The following CRAT variants were observed in gnomAD, a reference collection of about 807,000 sequenced individuals.
CRAT encodes the protein carnitine acetylase.
Under a neutral mutation model 73.7 loss-of-function variants are expected in CRAT, and 66 were observed. The ratio of observed to expected loss-of-function variants is 0.90; its 90% CI spans 0.73 to 1.10. The LOEUF (loss-of-function observed/expected upper bound fraction) is 1.10. CRAT is among the 50% of genes least tolerant of loss of function. The pLI, the probability that CRAT is intolerant of heterozygous loss-of-function variation, is 0.00. For synonymous variants in CRAT, 321 were observed against 343.2 expected (o/e 0.94, Z 0.71); for missense variants, 745 against 846.9 (o/e 0.88, Z 1.49).
intron 8 of CRAT, among the ~76,000 whole-genome samples, chr9:129,098,854 C>T (rs1847471443): frequency 6.6e-6 from 1 of 150,972 alleles, no homozygotes. Flanking sequence ...TGCTCTGTTG[C>T]CCAGGCTGGA....
intron 4 of CRAT, 54 bp from the exon 5 acceptor site, chr9:129,102,619 G>A: frequency 2.5e-6 from 4 of 1,598,344 alleles, no homozygotes; most frequent in Non-Finnish European, 3.4e-6. Flanking sequence ...TGGGGAGGAG[G>A]GCAGGGTAGA....
chr9:129,110,534 C>G lies in CRAT; in HGVS notation c.-25G>C, dbSNP rs1043606726. 1 of 1,577,470 alleles carries G rather than the reference C, an allele frequency of 6.3e-7. No individual in the cohort carries two copies. Among genetic ancestry groups the G allele is most frequent in the Non-Finnish European group, 8.6e-7 (1 of 1,168,574 alleles). Reference sequence around the variant, plus strand: ...TCTTCGCTGCCCGTCCGCGGACACGCAGTCCGCTCCGCCCCACACACCGGG... The same window carrying G: ...TCTTCGCTGCCCGTCCGCGGACACGGAGTCCGCTCCGCCCCACACACCGGG... On this transcript the variant is annotated 5_prime_UTR_variant, in exon 1 of 14. Coordinates refer to ENST00000318080, the MANE Select transcript of CRAT (RefSeq NM_000755.5). The surrounding 1 kb of genome is among the most constrained non-coding windows in gnomAD (Gnocchi z 5.3).
rs1236730982 is a variant in CRAT at position 129,107,904 on chromosome 9, C to T, written c.201G>A (p.Lys67=). 1.2e-6 allele frequency: 2 copies of T among 1,611,432 alleles called. No homozygotes were observed. The highest frequency in any genetic ancestry group is 1.3e-5 in the African/African-American group (1 of 74,932). The change falls in exon 2 of 14, where the codon AAG becomes AAA. Residue 67 remains lysine (K), a synonymous_variant. Transcript: ENST00000318080. This position sits in a 1 kb window ranked among gnomAD's most constrained non-coding sequence, Gnocchi z 5.0. The part of the protein sequence containing the change: ...IVSEEEWAHT[K]QLVDEFQASG... ...AGGCCTGAAACTCATCCACCAGCTG[C>T]TTGGTGTGGGCCCACTCCTCCTCAC...
Position 129,097,249 on chromosome 9 carries a change from C to A in CRAT, c.1527+1G>T. 2 of 1,557,518 alleles carry A rather than the reference C, an allele frequency of 1.3e-6. No homozygotes were observed. Among genetic ancestry groups the A allele is most frequent in the Admixed American group, 2.0e-5 (1 of 51,258 alleles). ...GAGTAGGCACAAGCGGGCTCACTTACCCGGTCGGTGTAGCCTCGGTGGGCC... is the reference window on the plus strand; with the variant it reads ...GAGTAGGCACAAGCGGGCTCACTTAACCGGTCGGTGTAGCCTCGGTGGGCC... On this transcript the variant is annotated splice_donor_variant, in intron 12 of 13. Transcript: ENST00000318080. LOFTEE classifies it high-confidence loss of function.
chr9:129,109,077 G>A (rs17486220), intron 1 of CRAT: 2 of 1,274,728 alleles, frequency 1.6e-6, no homozygotes, highest in Admixed American at 2.4e-5. Flanking sequence ...GAGGGCTAGT[G>A]GGGGGGCATT....
rs966844017 is a variant in CRAT, at chr9:129,102,919, C to T, written c.464+94G>A. ...GCTGGAGCAGGGCCCAGGGCCCAAGCTGGCATGCCGGGCCAGGGCTGGGGT... is the reference window on the plus strand; with the variant it reads ...GCTGGAGCAGGGCCCAGGGCCCAAGTTGGCATGCCGGGCCAGGGCTGGGGT... On this transcript the variant is annotated intron_variant, in intron 4 of 13. Coordinates refer to ENST00000318080, the MANE Select transcript of CRAT (RefSeq NM_000755.5). The T allele has an allele frequency of 3.3e-6, 4 of 1,208,930 alleles. 1 individual carries two copies. In the African/African-American group the frequency reaches 6.0e-5, roughly 18 times the overall value. 74.9% of individuals were successfully genotyped at this position (1,208,930 alleles called of 1,614,324 possible).
intron 8 of CRAT, among the ~76,000 whole-genome samples, 165 bp from the exon 9 acceptor site, chr9:129,098,815 TC>T (rs1355001704): frequency 0.12 from 4,672 of 40,366 alleles, 263 homozygotes; most frequent in African/African-American, 0.31. Flanking sequence ...TTTTCTTTTT[TC>T]TTTTTTTTTT....
rs148454411 is a variant in CRAT at position 129,103,098 on chromosome 9, G to A, written c.411-32C>T. ...AGATTGATTAGAGATTAGAAGCTGC[G>A]TGGACACCCTGAGGGAGGCCCCGGG... On this transcript the variant is annotated intron_variant, in intron 3 of 13. Transcript: ENST00000318080. This position sits in a 1 kb window ranked among gnomAD's most constrained non-coding sequence, Gnocchi z 4.6. 4.3e-3 allele frequency: 6,952 copies of A among 1,603,966 alleles called. 23 individuals carry two copies. Among genetic ancestry groups the A allele is most frequent in the Non-Finnish European group, 4.9e-3 (5,743 of 1,170,818 alleles).
chr9:129,096,259 T>A, intron 12 of CRAT, 124 bp from the exon 13 acceptor site: 2 of 1,255,598 alleles, frequency 1.6e-6, no homozygotes, highest in Non-Finnish European at 2.2e-6. Flanking sequence ...AAGACCAGAG[T>A]ATTCTGGCCA....
rs1037783792 is a variant in CRAT, at chr9:129,095,557, T to C, written c.1721A>G (p.Tyr574Cys). The change falls in exon 14 of 14, where the codon TAC (tyrosine) becomes TGC (cysteine). Residue 574 changes from tyrosine to cysteine, a missense_variant. Physicochemically the swap from Tyr to Cys is radical, Grantham distance 194. Transcript: ENST00000318080. Reference sequence around the variant, plus strand: ...CTCCATGGGGTTATAGCAGACACCGTAGCCGTCGGGGACCACGGGCCCGAA... The same window carrying C: ...CTCCATGGGGTTATAGCAGACACCGCAGCCGTCGGGGACCACGGGCCCGAA... ...MFFGPVVPDGYGVCYNPMEAH... is the reference protein window; with the variant it reads ...MFFGPVVPDGCGVCYNPMEAH... 4.3e-6 allele frequency: 7 copies of C among 1,613,302 alleles called. No homozygotes were observed. In the African/African-American group the frequency reaches 6.7e-5, roughly 15 times the overall value.
chr9:129,104,241 G>A lies in CRAT; in HGVS notation c.357C>T (p.Ser119=). The A allele has an allele frequency of 1.9e-6, 3 of 1,613,406 alleles. No individual in the cohort carries two copies. Among genetic ancestry groups the A allele is most frequent in the Non-Finnish European group, 2.5e-6 (3 of 1,179,716 alleles). The stretch of plus-strand genomic sequence containing the variant: ...CCTGCTTGGGTAGCATCACGCCTGG[G>A]CTCGAGTAGATGACCACAGGCTGGC... The part of the protein sequence containing the change: ...QYRQPVVIYS[S]PGVMLPKQDF... Residue 119 remains serine, a synonymous_variant, in exon 3 of 14, where the codon AGC becomes AGT. Transcript: ENST00000318080.
rs1312815362 is a variant in CRAT at position 129,107,742 on chromosome 9, C to T, written c.291+72G>A. On this transcript the variant is annotated intron_variant, in intron 2 of 13. Transcript: ENST00000318080. The surrounding 1 kb of genome is among the most constrained non-coding windows in gnomAD (Gnocchi z 5.0). ...CTGGGCAGCAAACGAACGGCCGTGC[C>T]AGAGCAGTGGGCACTGGAGAACTGT... 6.2e-7 allele frequency: 1 copy of T among 1,609,510 alleles called. No individual in the cohort carries two copies. Among genetic ancestry groups the T allele is most frequent in the Admixed American group, 1.7e-5 (1 of 59,928 alleles).
At position 129,095,174 on chromosome 9, in the gene CRAT, A is replaced by C; in HGVS notation, c.*223T>G. 5.0e-6 allele frequency: 3 copies of C among 595,994 alleles called. No homozygotes were observed. The highest frequency in any genetic ancestry group is 2.8e-5 in the East Asian group (1 of 35,574). 36.9% of individuals were successfully genotyped at this position (595,994 alleles called of 1,614,324 possible). A position where few individuals can be genotyped will look rare whatever the true frequency, so the allele number is the denominator to read the frequency against. On this transcript the variant is annotated 3_prime_UTR_variant, in exon 14 of 14. Coordinates refer to ENST00000318080, the MANE Select transcript of CRAT (RefSeq NM_000755.5). ...GCCTAACGTCCTGCTCAGCCTCTGC[A>C]CTCAGCCCCAGGTCGGGCCCTGGCA...
At position 129,101,919 on chromosome 9, in the gene CRAT, T is replaced by G. The variant is rs772943597; in HGVS notation, c.769A>C (p.Asn257His). The G allele has an allele frequency of 6.2e-7, 1 of 1,614,074 alleles. No individual in the cohort carries two copies. The highest frequency in any genetic ancestry group is 8.5e-7 in the Non-Finnish European group (1 of 1,179,980). The change falls in exon 6 of 14, where the codon AAC becomes CAC. Residue 257 changes from asparagine to histidine, a missense_variant. Physicochemically the swap from Asn to His is moderately conservative, Grantham distance 68. Coordinates refer to ENST00000318080, the MANE Select transcript of CRAT (RefSeq NM_000755.5). ...PVGILTSNHR[N>H]SWAKAYNTLI... ...GTGTTGTATGCCTTGGCCCAGGAGT[T>G]GCGGTGGTTGGAGGTGAGGATGCCC...
Position 129,110,425 on chromosome 9 carries a change from A to G in CRAT, c.27+58T>C. 1 of 1,501,258 alleles carries G rather than the reference A, an allele frequency of 6.7e-7. No individual in the cohort carries two copies. The highest frequency in any genetic ancestry group is 8.8e-7 in the Non-Finnish European group (1 of 1,130,386). The allele number at this position is 1,501,258 out of a possible 1,614,324, so 93.0% of individuals were successfully genotyped here. The stretch of plus-strand genomic sequence containing the variant: ...GACGCGGTCTCCGTTCCCGGACGCA[A>G]CCGCACGGCCCGCCCAGGCCGTCCA... On this transcript the variant is annotated intron_variant, in intron 1 of 13. Coordinates refer to ENST00000318080, the MANE Select transcript of CRAT (RefSeq NM_000755.5). The surrounding 1 kb of genome is among the most constrained non-coding windows in gnomAD (Gnocchi z 5.3).
chr9:129,110,519 C>G lies in CRAT; in HGVS notation c.-10G>C. ...CAGCGAAGGCTAACATCTTCGCTGC[C>G]CGTCCGCGGACACGCAGTCCGCTCC... On this transcript the variant is annotated 5_prime_UTR_variant, in exon 1 of 14. Transcript: ENST00000318080. This position sits in a 1 kb window ranked among gnomAD's most constrained non-coding sequence, Gnocchi z 5.3. The G allele has an allele frequency of 6.3e-7, 1 of 1,578,864 alleles. No homozygotes were observed. Among genetic ancestry groups the G allele is most frequent in the Admixed American group, 1.7e-5 (1 of 57,534 alleles).
chr9:129,098,663 C>CG lies in CRAT; in HGVS notation c.1086-14dup. 2 of 1,597,620 alleles carry CG rather than the reference C, an allele frequency of 1.3e-6. No individual in the cohort carries two copies. The highest frequency in any genetic ancestry group is 1.7e-6 in the Non-Finnish European group (2 of 1,175,676). On this transcript the variant is annotated splice_polypyrimidine_tract_variant and intron_variant, in intron 8 of 13. Transcript: ENST00000318080. Reference sequence around the variant, plus strand: ...CTCGGGTTTCTTCCTGCACAGTAAACGGGGCCTCAGGCTCATGCTGGTGCC... The same window carrying CG: ...CTCGGGTTTCTTCCTGCACAGTAAACGGGGGCCTCAGGCTCATGCTGGTGCC...
chr9:129,100,733 G>A, intron 6 of CRAT, 44 bp from the exon 7 acceptor site: 1 of 1,579,062 alleles, frequency 6.3e-7, no homozygotes, highest in Non-Finnish European at 8.6e-7. Context: ...GGGGTCTCAT[G>A]GTGTGGGAGA....
chr9:129,095,614 TG>T lies in CRAT; in HGVS notation c.1666-3del. On this transcript the variant is annotated splice_polypyrimidine_tract_variant and splice_region_variant and intron_variant, in intron 13 of 13. Transcript: ENST00000318080. ...GACACAGTCTGTCTTGGCAGGGACC[TG>T]GGGACGGCAGGATGAAAGCTCTCAG... 6.2e-7 allele frequency: 1 copy of T among 1,611,832 alleles called. No individual in the cohort carries two copies. Among genetic ancestry groups the T allele is most frequent in the Non-Finnish European group, 8.5e-7 (1 of 1,179,442 alleles).
Sources: allele counts gnomAD v4.1 joint callset (sites outside exome capture counted in the v4.1 genomes callset), GRCh38; gene constraint gnomAD v4.1.1; non-coding constraint Gnocchi (gnomAD v3.1); transcripts MANE v1.5; gene names NCBI Gene and HGNC (gene_info 2026-07-23, HGNC 2026-07-21).